Variants in MANEA observed in about 807,000 individuals in gnomAD.
MANEA encodes the protein glycoprotein endo-alpha-1,2-mannosidase.
A neutral mutation model predicts 36.8 loss-of-function variants in MANEA; 25 were observed. The ratio of observed to expected loss-of-function variants is 0.68; its 90% CI spans 0.50 to 0.95. The LOEUF (loss-of-function observed/expected upper bound fraction) is 0.95, where lower values mean the gene tolerates loss of function less well. Among genes scored for constraint, MANEA ranks in the 40% least tolerant of loss-of-function variants. The pLI is 0.00. For synonymous variants in MANEA, 198 were observed against 188.5 expected (o/e 1.05, Z -0.41); for missense variants, 565 against 558.8 (o/e 1.01, Z -0.11).
At chr6:95,578,628 A>G (rs918006034) in intron 1 of MANEA, among the ~76,000 whole-genome samples, 2 of 152,178 alleles carry the variant, frequency 1.3e-5, no homozygotes, top group Non-Finnish European at 2.9e-5. Flanking sequence ...TTCAGGCTCA[A>G]TGCAGAAAAA....
At chr6:95,586,358 C>A in intron 1 of MANEA, 44 bp from the exon 2 acceptor site, 1 of 1,117,820 alleles carries the variant, frequency 8.9e-7, no homozygotes, top group Non-Finnish European at 1.3e-6. Context: ...TTGGAAAATA[C>A]TGTTGATAAC....
chr6:95,588,988 A>G (rs1769336421), intron 2 of MANEA, among the ~76,000 whole-genome samples: 1 of 152,026 alleles, frequency 6.6e-6, no homozygotes, highest in African/African-American at 2.4e-5. Context: ...AATTATTTCT[A>G]AACATTGACA....
chr6:95,595,030 G>A (rs1300206427), intron 2 of MANEA, among the ~76,000 whole-genome samples: 1 of 152,132 alleles, frequency 6.6e-6, no homozygotes, highest in Admixed American at 6.5e-5. Context: ...TGTTATTTTA[G>A]ACTAGTCTGC....
rs769725446 is a variant in MANEA, at chr6:95,586,398, G to A, written c.-38-4G>A. 27 of 1,471,136 alleles carry A rather than the reference G, an allele frequency of 1.8e-5. No individual in the cohort carries two copies. The highest frequency in any genetic ancestry group is 2.4e-5 in the Non-Finnish European group (26 of 1,080,896). 91.1% of individuals were successfully genotyped at this position (1,471,136 alleles called of 1,614,324 possible). A position where few individuals can be genotyped will look rare whatever the true frequency, so the allele number is the denominator to read the frequency against. On this transcript the variant is annotated splice_polypyrimidine_tract_variant and splice_region_variant and intron_variant, in intron 1 of 4. Transcript: ENST00000358812. ...ACTAATTATCTTTTTTCAATAAATT[G>A]CAGCAAAACACTTACTATTTTGGAG...
rs1402370483 is a variant in MANEA at position 95,606,902 on chromosome 6, A to G, written c.*497A>G. The G allele has an allele frequency of 1.3e-5, 2 of 152,140 alleles. No homozygotes were observed. The highest frequency in any genetic ancestry group is 2.9e-5 in the Non-Finnish European group (2 of 68,014). 9.4% of individuals were successfully genotyped at this position (152,140 alleles called of 1,614,324 possible). A position where few individuals can be genotyped will look rare whatever the true frequency, so the allele number is the denominator to read the frequency against. On this transcript the variant is annotated 3_prime_UTR_variant, in exon 5 of 5. Transcript: ENST00000358812. ...TGTCTTAGTATTTAGACTCTGGATA[A>G]CTCTACAATAATGAGGAAATTCTTA...
chr6:95,587,658 TTTATA>T (rs1769313728), intron 2 of MANEA, among the ~76,000 whole-genome samples: 1 of 152,146 alleles, frequency 6.6e-6, no homozygotes, highest in African/African-American at 2.4e-5. Context: ...CAAATTTGCT[TTTATA>T]TTCACCTGTT....
Position 95,596,749 on chromosome 6 carries a change from T to G in MANEA, c.557T>G (p.Leu186Arg), listed in dbSNP as rs146722907. The G allele has an allele frequency of 2.5e-6, 4 of 1,591,286 alleles. No individual in the cohort carries two copies. Among genetic ancestry groups the G allele is most frequent in the Non-Finnish European group, 3.4e-6 (4 of 1,159,714 alleles). ...MRSASIGVLA[L>R]SWYPPDVNDE... is the part of the protein sequence containing the mutation. ...TCTTTTCTATTAGGTGTACTAGCCC[T>G]CTCTTGGTACCCACCTGATGTAAAT... Residue 186 changes from leucine to arginine, a missense_variant, in exon 3 of 5, where the codon CTC becomes CGC. Transcript: ENST00000358812.
At chr6:95,582,173 CTTTTTTTTTTTT>C (rs67978183) in intron 1 of MANEA, among the ~76,000 whole-genome samples, 18 of 79,358 alleles carry the variant, frequency 2.3e-4, no homozygotes, top group Non-Finnish European at 4.4e-4. Flanking sequence ...GTTGTATCAT[CTTTTTTTTTTTT>C]TTTTTTTTTT....
rs1246996567 is a variant in MANEA, at chr6:95,607,764, T to TA, written c.*1365dup. On this transcript the variant is annotated 3_prime_UTR_variant, in exon 5 of 5. Transcript: ENST00000358812. ...TTACAGTTAATGTTTATAACTATAG[T>TA]AAAAAATTAATATATATCCTATTAC... is the stretch of plus-strand genomic sequence containing the variant. The TA allele has an allele frequency of 2.2e-4, 33 of 151,746 alleles. No homozygotes were observed. Among genetic ancestry groups the TA allele is most frequent in the African/African-American group, 7.7e-4 (32 of 41,534 alleles). 9.4% of individuals were successfully genotyped at this position (151,746 alleles called of 1,614,324 possible). A position where few individuals can be genotyped will look rare whatever the true frequency, so the allele number is the denominator to read the frequency against.
rs200482951 is a variant in MANEA at position 95,606,122 on chromosome 6, A to G, written c.1106A>G (p.Asn369Ser). The change falls in exon 5 of 5, where the codon AAC becomes AGC. Residue 369 changes from asparagine to serine, a missense_variant. Asn to Ser is a conservative substitution (Grantham distance 46). Coordinates refer to ENST00000358812, the MANE Select transcript of MANEA (RefSeq NM_024641.4). The part of the protein sequence containing the change: ...GYIDTSIRPW[N>S]TQNTRNRING... ...ATAGATACCAGCATCCGTCCATGGA[A>G]CACGCAAAACACTCGGAACCGAATC... The G allele has an allele frequency of 1.9e-6, 3 of 1,614,066 alleles. No homozygotes were observed. In the African/African-American group the frequency reaches 4.0e-5, roughly 22 times the overall value.
At chr6:95,580,101 T>C (rs1392081431) in intron 1 of MANEA, among the ~76,000 whole-genome samples, 1 of 152,156 alleles carries the variant, frequency 6.6e-6, no homozygotes, top group African/African-American at 2.4e-5. Flanking sequence ...TTTTATTAAA[T>C]TGGATTTTTA....
intron 1 of MANEA, among the ~76,000 whole-genome samples, chr6:95,583,520 A>G (rs1276039807): frequency 1.3e-5 from 2 of 152,140 alleles, no homozygotes; most frequent in Admixed American, 6.5e-5. Flanking sequence ...ATATATACAT[A>G]TATGACGTAT....
rs747206904 is a variant in MANEA, at chr6:95,580,199, T to TAC, written c.-39+2573_-39+2574dup. On this transcript the variant is annotated intron_variant, in intron 1 of 4. Transcript: ENST00000358812. ...GTGTATACGGTCAGTAGTCTATATA[T>TAC]ACACACACACACAGATATACATATA... Among the ~76,000 whole-genome samples the TAC allele has an allele frequency of 1.6e-4, 24 of 151,854 alleles. No homozygotes were observed. In the South Asian group the frequency reaches 2.3e-3, roughly 14 times the overall value.
chr6:95,583,759 GTTTAC>G (rs1562195282), intron 1 of MANEA, among the ~76,000 whole-genome samples: 1 of 151,806 alleles, frequency 6.6e-6, no homozygotes, highest in Non-Finnish European at 1.5e-5. Context: ...CTTTTTGAAT[GTTTAC>G]TTTATATGTT....
In MANEA at chr6:95,605,740, T is replaced by C. The variant is rs536678192; in HGVS notation, c.732-8T>C. On this transcript the variant is annotated splice_region_variant and splice_polypyrimidine_tract_variant and intron_variant, in intron 4 of 4. Coordinates refer to ENST00000358812, the MANE Select transcript of MANEA (RefSeq NM_024641.4). ...TTCATTTCACTTTTATATATGCTTA[T>C]TTTCTAGATATGGAAATCATCCGGC... 6.3e-7 allele frequency: 1 copy of C among 1,596,310 alleles called. No individual in the cohort carries two copies. Among genetic ancestry groups the C allele is most frequent in the African/African-American group, 1.3e-5 (1 of 74,248 alleles).
At chr6:95,580,054 AGG>A (rs1233196013) in intron 1 of MANEA, among the ~76,000 whole-genome samples, 4 of 152,144 alleles carry the variant, frequency 2.6e-5, no homozygotes, top group Non-Finnish European at 5.9e-5. Flanking sequence ...AGGCATCTCA[AGG>A]GTCATTGTGG....
At chr6:95,581,751 A>T (rs1419961160) in intron 1 of MANEA, among the ~76,000 whole-genome samples, 1 of 152,188 alleles carries the variant, frequency 6.6e-6, no homozygotes, top group Non-Finnish European at 1.5e-5. Context: ...AGCTGAAGTC[A>T]ACGTTTCAAA....
At chr6:95,602,985 A>C (rs1769625233) in intron 3 of MANEA, among the ~76,000 whole-genome samples, 1 of 141,042 alleles carries the variant, frequency 7.1e-6, no homozygotes, top group South Asian at 2.3e-4. Context: ...GCGCCACTGC[A>C]GTCCGCAGTC....
In MANEA at chr6:95,606,584, G is replaced by C. The variant is rs777837314; in HGVS notation, c.*179G>C. 6.0e-5 allele frequency: 20 copies of C among 335,608 alleles called. No homozygotes were observed. The highest frequency in any genetic ancestry group is 8.5e-5 in the African/African-American group (4 of 46,938). The allele number at this position is 335,608 out of a possible 1,614,324, so 20.8% of individuals were successfully genotyped here. ...TGTTACCCTTCACAATACCACATGA[G>C]AAAATATCTGAGACAAAATGTATAC... On this transcript the variant is annotated 3_prime_UTR_variant, in exon 5 of 5. Transcript: ENST00000358812.
Sources: allele counts gnomAD v4.1 joint callset (sites outside exome capture counted in the v4.1 genomes callset), GRCh38; gene constraint gnomAD v4.1.1; transcripts MANE v1.5; gene names NCBI Gene and HGNC (gene_info 2026-07-23, HGNC 2026-07-21).